The following TET1 variants were observed in gnomAD, a reference collection of about 807,000 sequenced individuals.
TET1 encodes the protein tet methylcytosine dioxygenase 1.
Under a neutral mutation model 148.7 loss-of-function variants are expected in TET1, and 13 were observed. The ratio of observed to expected loss-of-function variants is 0.09; its 90% CI spans 0.06 to 0.14. The LOEUF (loss-of-function observed/expected upper bound fraction) is 0.14, where lower values mean the gene tolerates loss of function less well. Among genes scored for constraint, TET1 ranks in the 10% least tolerant of loss-of-function variants. The probability of loss-of-function intolerance (pLI) is 1.00; values close to 1 mark genes in which losing one functional copy is unlikely to be tolerated. For synonymous variants in TET1, 907 were observed against 937.2 expected (o/e 0.97, Z 0.59); for missense variants, 2,182 against 2,553.8 (o/e 0.85, Z 3.14).
chr10:68,662,311 T>C (rs2055132767), intron 6 of TET1, among the ~76,000 whole-genome samples: 1 of 152,126 alleles, frequency 6.6e-6, no homozygotes, highest in African/African-American at 2.4e-5. Flanking sequence ...ACCCAGCCTG[T>C]TGTTAATAGT....
chr10:68,602,701 AG>A (rs1294828997), intron 3 of TET1, among the ~76,000 whole-genome samples: 1 of 152,198 alleles, frequency 6.6e-6, no homozygotes, highest in South Asian at 2.1e-4. Context: ...AAAGAATAAA[AG>A]TGCCTGTGGG....
rs1240164579 is a variant in TET1 at position 68,691,225 on chromosome 10, A to G, written c.5822A>G (p.His1941Arg). The G allele has an allele frequency of 6.2e-7, 1 of 1,613,980 alleles. No homozygotes were observed. Among genetic ancestry groups the G allele is most frequent in the Admixed American group, 1.7e-5 (1 of 59,988 alleles). The part of the protein sequence containing the change: ...TEPLTPHQPN[H>R]QPSFLTSPQD... ...CCGCTAACGCCTCATCAGCCAAACC[A>G]CCAGCCCTCCTTCCTCACCTCTCCT... The change falls in exon 12 of 12, where the codon CAC becomes CGC. Residue 1941 changes from histidine (H) to arginine (R), a missense_variant. This residue lies in a region of TET1 where 380 missense variants were observed against 387.9 expected (regional missense o/e 0.98). Coordinates refer to ENST00000373644, the MANE Select transcript of TET1 (RefSeq NM_030625.3). The surrounding 1 kb of genome is among the most constrained non-coding windows in gnomAD (Gnocchi z 4.4).
chr10:68,685,913 C>A (rs1365413490), intron 10 of TET1, among the ~76,000 whole-genome samples: 6 of 152,026 alleles, frequency 3.9e-5, no homozygotes, highest in African/African-American at 1.4e-4. Flanking sequence ...TCAATTATGT[C>A]CCTGCTATCC....
In TET1 at chr10:68,667,263, A is replaced by T; in HGVS notation, c.4673+7A>T. 1 of 1,605,556 alleles carries T rather than the reference A, an allele frequency of 6.2e-7. No homozygotes were observed. The highest frequency in any genetic ancestry group is 8.5e-7 in the Non-Finnish European group (1 of 1,175,648). On this transcript the variant is annotated splice_region_variant and intron_variant, in intron 7 of 11. Transcript: ENST00000373644. ...GATGCACCCTCAATGAAAAGTAATTAAATCTGTTTTATACTGCCTTACCAT... is the reference window on the plus strand; with the variant it reads ...GATGCACCCTCAATGAAAAGTAATTTAATCTGTTTTATACTGCCTTACCAT...
chr10:68,628,857 G>C (rs2054527223), intron 3 of TET1, among the ~76,000 whole-genome samples: 1 of 152,180 alleles, frequency 6.6e-6, no homozygotes, highest in African/African-American at 2.4e-5. Flanking sequence ...AGCAGGTGCA[G>C]AATGCAGCCT....
Position 68,693,252 on chromosome 10 carries a change from C to T in TET1, c.*1438C>T, listed in dbSNP as rs899177807. ...AAAGGATTACCCAAACAACATGTTT[C>T]GAACAAGGAGAATTTTCAATGAAAT... On this transcript the variant is annotated 3_prime_UTR_variant, in exon 12 of 12. Transcript: ENST00000373644. 4 of 232,640 alleles carry T rather than the reference C, an allele frequency of 1.7e-5. No homozygotes were observed. Among genetic ancestry groups the T allele is most frequent in the Non-Finnish European group, 3.4e-5 (4 of 117,632 alleles). The allele number at this position is 232,640 out of a possible 1,614,324, so 14.4% of individuals were successfully genotyped here.
At chr10:68,660,456 C>T (rs1305668185) in intron 6 of TET1, among the ~76,000 whole-genome samples, 1 of 150,526 alleles carries the variant, frequency 6.6e-6, no homozygotes, top group African/African-American at 2.4e-5. Flanking sequence ...TCTCCTGTCT[C>T]AGCCTGCTAA....
intron 7 of TET1, among the ~76,000 whole-genome samples, chr10:68,670,195 G>A (rs1489681512): frequency 2.0e-5 from 3 of 152,054 alleles, no homozygotes. Context: ...AAAATACTGT[G>A]ATCTCATCTT....
At chr10:68,685,583 T>A (rs1235025387) in intron 10 of TET1, among the ~76,000 whole-genome samples, 1 of 152,110 alleles carries the variant, frequency 6.6e-6, no homozygotes, top group Admixed American at 6.5e-5. Flanking sequence ...TAATAAAATG[T>A]TAGTTTTTAA....
intron 11 of TET1, among the ~76,000 whole-genome samples, chr10:68,688,398 CTTTT>C (rs1481941702): frequency 1.4e-5 from 2 of 143,580 alleles, no homozygotes; most frequent in African/African-American, 5.2e-5. Flanking sequence ...CTTCTCAGTT[CTTTT>C]GTCACAACCT....
At chr10:68,628,391 T>C (rs938522264) in intron 3 of TET1, among the ~76,000 whole-genome samples, 13 of 152,250 alleles carry the variant, frequency 8.5e-5, no homozygotes, top group Non-Finnish European at 1.9e-4. Context: ...AATAAGAGTT[T>C]TCTACATGAT....
intron 6 of TET1, among the ~76,000 whole-genome samples, chr10:68,664,712 A>C (rs1454109508): frequency 3.8e-5 from 5 of 132,418 alleles, no homozygotes; most frequent in Admixed American, 1.7e-4. Context: ...GCCCAGGCTG[A>C]AGTTCATGAT....
chr10:68,632,447 A>G (rs2054587985), intron 3 of TET1: 1 of 1,612,360 alleles, frequency 6.2e-7, no homozygotes, highest in African/African-American at 1.3e-5. Flanking sequence ...GATGTTGAAA[A>G]TACTCCCTGC....
intron 3 of TET1, among the ~76,000 whole-genome samples, chr10:68,640,300 G>A (rs1331313430): frequency 2.7e-5 from 4 of 150,212 alleles, no homozygotes; most frequent in Non-Finnish European, 5.9e-5. Context: ...GTCTCACTCT[G>A]TCGCCCAGGC....
chr10:68,682,809 G>T (rs776504751), intron 9 of TET1, 27 bp from the exon 10 acceptor site: 1 of 1,606,012 alleles, frequency 6.2e-7, no homozygotes. Flanking sequence ...TCTCTCTTAA[G>T]ATTGTGCTCC....
At chr10:68,571,630 C>G (rs1387600809) in intron 1 of TET1, among the ~76,000 whole-genome samples, 1 of 151,458 alleles carries the variant, frequency 6.6e-6, no homozygotes, top group Non-Finnish European at 1.5e-5. Flanking sequence ...AAACTCCTGA[C>G]CTCATGATCC....
chr10:68,590,959 G>A (rs555576309), intron 2 of TET1, among the ~76,000 whole-genome samples: 7 of 151,848 alleles, frequency 4.6e-5, no homozygotes, highest in African/African-American at 9.7e-5. Context: ...AGGTTCAAGC[G>A]ATTCTCCTGC....
At chr10:68,683,403 C>T (rs888047255) in intron 10 of TET1, among the ~76,000 whole-genome samples, 4 of 152,154 alleles carry the variant, frequency 2.6e-5, no homozygotes, top group African/African-American at 7.2e-5. Context: ...CTTAGCCTCC[C>T]AAGTAGCTGG....
chr10:68,655,653 TTTTTTGTTTTTG>T (rs769257811), intron 6 of TET1, among the ~76,000 whole-genome samples: 2 of 152,224 alleles, frequency 1.3e-5, no homozygotes, highest in East Asian at 1.9e-4. Context: ...AGTGTATAGT[TTTTTTGTTTTTG>T]TTTTTGTTTT....
Sources: allele counts gnomAD v4.1 joint callset (sites outside exome capture counted in the v4.1 genomes callset), GRCh38; gene constraint gnomAD v4.1.1; regional missense constraint gnomAD v4.1.1; non-coding constraint Gnocchi (gnomAD v3.1); transcripts MANE v1.5; gene names NCBI Gene and HGNC (gene_info 2026-07-23, HGNC 2026-07-21).